ADGRL2: variants seen among roughly 807,000 people sequenced by gnomAD.
The protein encoded by ADGRL2 is adhesion G protein-coupled receptor L2.
Under a neutral mutation model 157.4 loss-of-function variants are expected in ADGRL2, and 44 were observed. The observed-to-expected ratio is 0.28, with a 90% CI of 0.22 to 0.36. ADGRL2 has a LOEUF of 0.36. Ranked by LOEUF, ADGRL2 falls within the 10% of genes least tolerant of loss-of-function variation. The pLI, the probability that ADGRL2 is intolerant of heterozygous loss-of-function variation, is 1.00. For missense variants in ADGRL2, 1,510 were observed against 1,768.9 expected (o/e 0.85, Z 2.63); for synonymous variants, 585 against 624.7 (o/e 0.94, Z 0.95).
Position 81,961,725 on chromosome 1 carries a change from G to A in ADGRL2, c.2018-4333G>A, listed in dbSNP as rs1655467651. Among the ~76,000 whole-genome samples the A allele has an allele frequency of 5.9e-5, 9 of 152,058 alleles. No individual in the cohort carries two copies. The South Asian group carries it at 1.9e-3, about 32-fold the overall frequency. ...GGGTTTCACCATTTTGGCCAGGCAA[G>A]TCTCGAACTCCTGACCTCAGGTGAT... On this transcript the variant is annotated intron_variant, in intron 11 of 23. Transcript: ENST00000686636.
chr1:81,748,338 ACG>A (rs897737192), intron 1 of ADGRL2, among the ~76,000 whole-genome samples: 4 of 151,784 alleles, frequency 2.6e-5, no homozygotes, highest in Admixed American at 6.6e-5. Flanking sequence ...TTAGCTGGGC[ACG>A]CGCCTATAAT....
At chr1:81,596,340 A>T (rs944895565) in intron 3 of ADGRL2, 1 of 538,420 alleles carries the variant, frequency 1.9e-6, no homozygotes, top group Non-Finnish European at 3.6e-6. Context: ...CTTGGTAGGC[A>T]TTCGAACTTG....
intron 1 of ADGRL2, among the ~76,000 whole-genome samples, chr1:81,308,022 C>T (rs1659469969): frequency 6.6e-6 from 1 of 151,512 alleles, no homozygotes; most frequent in African/African-American, 2.4e-5. Context: ...TGCTTCGTGG[C>T]ATTTTAGTGA....
At chr1:81,563,002 G>A (rs2080478235) in intron 2 of ADGRL2, among the ~76,000 whole-genome samples, 1 of 152,084 alleles carries the variant, frequency 6.6e-6, no homozygotes. Context: ...TTTGATTTGT[G>A]AAAGCTTATT....
At chr1:81,532,623 A>T (rs931905060) in intron 2 of ADGRL2, among the ~76,000 whole-genome samples, 2 of 150,518 alleles carry the variant, frequency 1.3e-5, no homozygotes, top group African/African-American at 4.9e-5. Context: ...AGCCATGAAC[A>T]CCAATGAATA....
chr1:81,497,620 G>A (rs2147991976), intron 2 of ADGRL2, among the ~76,000 whole-genome samples: 1 of 152,254 alleles, frequency 6.6e-6, no homozygotes. Context: ...AGGACTACCT[G>A]TTATGAGCTG....
intron 2 of ADGRL2, among the ~76,000 whole-genome samples, chr1:81,488,870 C>A (rs1334439328): frequency 6.6e-6 from 1 of 151,796 alleles, no homozygotes; most frequent in Non-Finnish European, 1.5e-5. Flanking sequence ...TAAAGATATT[C>A]AAAAAACTGA....
At position 81,827,411 on chromosome 1, in the gene ADGRL2, T is replaced by C. The variant is rs561857545; in HGVS notation, c.-100-9474T>C. On this transcript the variant is annotated intron_variant, in intron 1 of 23. Transcript: ENST00000686636. ...GTCCAAACCTCATCACTTTTCATTC[T>C]CCCGTTATTTACTATTTTGATTGGT... Among the ~76,000 whole-genome samples, 195 of 152,252 alleles carry C rather than the reference T, an allele frequency of 1.3e-3. 7 individuals are homozygous for C. In the South Asian group the frequency reaches 0.037, roughly 29 times the overall value.
At chr1:81,380,439 T>C (rs2076324581) in intron 1 of ADGRL2, among the ~76,000 whole-genome samples, 1 of 152,244 alleles carries the variant, frequency 6.6e-6, no homozygotes, top group African/African-American at 2.4e-5. Flanking sequence ...ATATTTGTCT[T>C]CTAAACAAAG....
intron 1 of ADGRL2, among the ~76,000 whole-genome samples, chr1:81,316,037 G>C (rs927480520): frequency 1.3e-5 from 2 of 151,198 alleles, no homozygotes; most frequent in Non-Finnish European, 2.9e-5. Flanking sequence ...GTGTGCCCTT[G>C]ACTTAAAGGG....
At chr1:81,494,365 T>G (rs2078691271) in intron 2 of ADGRL2, among the ~76,000 whole-genome samples, 1 of 152,190 alleles carries the variant, frequency 6.6e-6, no homozygotes, top group Non-Finnish European at 1.5e-5. Context: ...ATCCTTCTTC[T>G]GAAGATGAAC....
At chr1:81,572,846 T>C (rs926356361) in intron 2 of ADGRL2, among the ~76,000 whole-genome samples, 3 of 151,842 alleles carry the variant, frequency 2.0e-5, no homozygotes, top group Admixed American at 1.3e-4. Context: ...AGGGCAAATA[T>C]GATTTGCAGT....
intron 2 of ADGRL2, among the ~76,000 whole-genome samples, chr1:81,468,846 A>G (rs2078113113): frequency 6.6e-6 from 1 of 152,202 alleles, no homozygotes; most frequent in Admixed American, 6.5e-5. Flanking sequence ...ATGTTAATAT[A>G]CTGAGATGGT....
At chr1:81,370,814 T>C (rs1570751303) in intron 1 of ADGRL2, among the ~76,000 whole-genome samples, 2 of 152,150 alleles carry the variant, frequency 1.3e-5, no homozygotes, top group South Asian at 4.1e-4. Context: ...TTGTATGTAA[T>C]AAATTTTCAT....
chr1:81,635,520 G>T (rs569884582), intron 3 of ADGRL2, among the ~76,000 whole-genome samples: 2 of 152,274 alleles, frequency 1.3e-5, no homozygotes, highest in Non-Finnish European at 2.9e-5. Context: ...AGTTCTGAAG[G>T]CTGGGAAGTC....
chr1:81,680,711 A>G (rs1019097106), intron 3 of ADGRL2, among the ~76,000 whole-genome samples: 5 of 152,108 alleles, frequency 3.3e-5, no homozygotes. Context: ...TCAGAAAAAA[A>G]ATTTTTTTTA....
chr1:81,554,746 A>C (rs945655141), intron 2 of ADGRL2, among the ~76,000 whole-genome samples: 1 of 152,146 alleles, frequency 6.6e-6, no homozygotes, highest in Non-Finnish European at 1.5e-5. Context: ...GAGCTTTTAA[A>C]AGCTTTGTTT....
intron 3 of ADGRL2, among the ~76,000 whole-genome samples, chr1:81,677,143 G>A (rs112124078): frequency 2.4e-4 from 36 of 151,846 alleles, no homozygotes; most frequent in African/African-American, 7.7e-4. Context: ...GCACCACCAC[G>A]CCTGGCTAAT....
intron 1 of ADGRL2, among the ~76,000 whole-genome samples, chr1:81,372,266 T>G (rs1032322753): frequency 5.9e-5 from 9 of 152,170 alleles, no homozygotes; most frequent in African/African-American, 2.2e-4. Flanking sequence ...GAGAAAAAAG[T>G]GAACAAAAGT....
Sources: gnomAD v4.1 joint callset for allele counts (sites outside exome capture counted in the v4.1 genomes callset) on GRCh38, gnomAD v4.1.1 for gene constraint, MANE v1.5 for transcripts, NCBI Gene and HGNC (gene_info 2026-07-23, HGNC 2026-07-21) for gene names.